The following DPP6 variants were observed in gnomAD, a reference collection of about 807,000 sequenced individuals.
DPP6 encodes the protein dipeptidyl peptidase like 6.
DPP6 carries 69 observed loss-of-function variants against 122.6 expected under a neutral mutation model. The observed-to-expected ratio is 0.56, with a 90% CI of 0.46 to 0.69. The LOEUF is 0.69. Ranked by LOEUF, DPP6 falls within the 30% of genes least tolerant of loss-of-function variation. The pLI, the probability that DPP6 is intolerant of heterozygous loss-of-function variation, is 0.00. For synonymous variants in DPP6, 418 were observed against 433.1 expected, an observed-to-expected ratio of 0.97 and a Z score of 0.43; for missense variants, 928 against 1,116.9, an observed-to-expected ratio of 0.83 and a Z score of 2.41.
intron 1 of DPP6, among the ~76,000 whole-genome samples, chr7:154,408,768 G>GTTT (rs201284135): frequency 7.0e-6 from 1 of 142,088 alleles, no homozygotes; most frequent in African/African-American, 2.6e-5. Flanking sequence ...GTCTTCCCCT[G>GTTT]TTTTTTTTTT....
Position 153,887,508 on chromosome 7 carries a change from GAC to G in DPP6, c.-173_-172del. Reference sequence around the variant, plus strand: ...TTGCTATTGGGATCCGCTGAGTAAAGACACGGGCAGGGGTGCGCGGAGGTGAG... The same window carrying G: ...TTGCTATTGGGATCCGCTGAGTAAAGACGGGCAGGGGTGCGCGGAGGTGAG... On this transcript the variant is annotated 5_prime_UTR_variant, in exon 1 of 26. Transcript: ENST00000404039. 9.7e-6 allele frequency: 6 copies of G among 618,890 alleles called. No homozygotes were observed. The South Asian group carries it at 1.3e-4, about 14-fold the overall frequency. The allele number at this position is 618,890 out of a possible 1,614,324, so 38.3% of individuals were successfully genotyped here. A position where few individuals can be genotyped will look rare whatever the true frequency, so the allele number is the denominator to read the frequency against.
intron 7 of DPP6, among the ~76,000 whole-genome samples, chr7:154,673,875 TTC>T (rs1422968910): frequency 1.3e-5 from 2 of 149,490 alleles, no homozygotes; most frequent in East Asian, 3.9e-4. Context: ...TCCTCCATGT[TTC>T]TTTCTTTTTT....
intron 7 of DPP6, among the ~76,000 whole-genome samples, chr7:154,709,588 T>TTC (rs1452109663): frequency 2.6e-5 from 3 of 116,406 alleles, no homozygotes; most frequent in Admixed American, 7.9e-5. Flanking sequence ...ACATTTTTCT[T>TTC]TTTTTTTTTT....
intron 1 of DPP6, among the ~76,000 whole-genome samples, chr7:154,304,573 T>A (rs1806129715): frequency 6.6e-6 from 1 of 151,544 alleles, no homozygotes; most frequent in African/African-American, 2.4e-5. Flanking sequence ...ATGTTTTTTT[T>A]TTCCTCTCTC....
the DPP6 span, among the ~76,000 whole-genome samples, chr7:153,824,701 A>T: frequency 6.2e-5 from 8 of 129,216 alleles, no homozygotes; most frequent in East Asian, 1.8e-3. Flanking sequence ...ACATAAAAAT[A>T]AAAAAAAAAA....
intron 7 of DPP6, among the ~76,000 whole-genome samples, chr7:154,711,943 C>CAA: frequency 2.1e-5 from 1 of 48,760 alleles, no homozygotes; most frequent in Admixed American, 2.4e-4. Context: ...ACTTAATACA[C>CAA]ACACACACAC....
chr7:154,086,944 C>T (rs1804470203), intron 1 of DPP6, among the ~76,000 whole-genome samples: 1 of 152,144 alleles, frequency 6.6e-6, no homozygotes, highest in Non-Finnish European at 1.5e-5. Context: ...AAATATCTCA[C>T]CCACACATAT....
At chr7:154,761,481 C>A (rs769833828) in intron 8 of DPP6, among the ~76,000 whole-genome samples, 38 of 151,224 alleles carry the variant, frequency 2.5e-4, no homozygotes, top group Non-Finnish European at 5.0e-4. Context: ...TCTTGCATTG[C>A]GATAAAGAAA....
intron 1 of DPP6, among the ~76,000 whole-genome samples, chr7:153,888,058 G>A (rs759243668): frequency 9.2e-5 from 14 of 152,204 alleles, no homozygotes; most frequent in Non-Finnish European, 2.1e-4. Context: ...CGAGCCCCAA[G>A]CAGACCCCCA....
At chr7:154,111,920 G>A (rs769064257) in intron 1 of DPP6, among the ~76,000 whole-genome samples, 11 of 152,040 alleles carry the variant, frequency 7.2e-5, no homozygotes, top group Non-Finnish European at 1.3e-4. Flanking sequence ...ACAGATAAAT[G>A]GTGAAACACA....
chr7:154,721,666 C>T (rs1374772670), intron 7 of DPP6, among the ~76,000 whole-genome samples: 1 of 152,156 alleles, frequency 6.6e-6, no homozygotes, highest in African/African-American at 2.4e-5. Flanking sequence ...TAGACCTGAT[C>T]ATAATTAAAA....
chr7:154,805,859 G>A (rs1798663272), intron 15 of DPP6, among the ~76,000 whole-genome samples: 1 of 152,222 alleles, frequency 6.6e-6, no homozygotes, highest in Admixed American at 6.5e-5. Flanking sequence ...GCATGGGATG[G>A]CTGCAGCCAG....
rs146518457 is a variant in DPP6, at chr7:154,419,032, G to T, written c.244-27182G>T. On this transcript the variant is annotated intron_variant, in intron 1 of 25. Coordinates refer to ENST00000377770, the MANE Select transcript of DPP6 (RefSeq NM_130797.4). ...ATAGGCAATGACTAATATTTACCAAGCATTTAGGGAATTGGATCAGTGACT... is the reference window on the plus strand; with the variant it reads ...ATAGGCAATGACTAATATTTACCAATCATTTAGGGAATTGGATCAGTGACT... Among the ~76,000 whole-genome samples, 10 of 152,306 alleles carry T rather than the reference G, an allele frequency of 6.6e-5. No individual in the cohort carries two copies. The East Asian group carries it at 1.9e-3, about 29-fold the overall frequency.
At chr7:154,081,661 T>C (rs1276817708) in intron 1 of DPP6, among the ~76,000 whole-genome samples, 9 of 148,896 alleles carry the variant, frequency 6.0e-5, no homozygotes, top group Admixed American at 2.0e-4. Flanking sequence ...TCAAGGGACG[T>C]CAAGAGCGTG....
At chr7:153,762,169 T>G in the DPP6 span, among the ~76,000 whole-genome samples, 1 of 152,212 alleles carries the variant, frequency 6.6e-6, no homozygotes, top group Non-Finnish European at 1.5e-5. Context: ...TTACATAACA[T>G]TTTCTATGTT....
intron 1 of DPP6, among the ~76,000 whole-genome samples, chr7:153,959,329 T>G (rs1285168899): frequency 6.6e-6 from 1 of 152,030 alleles, no homozygotes; most frequent in East Asian, 1.9e-4. Context: ...GGGTTGAATC[T>G]CCCTTGCTCA....
chr7:154,369,242 G>A (rs905924896), intron 1 of DPP6, among the ~76,000 whole-genome samples: 6 of 151,678 alleles, frequency 4.0e-5, no homozygotes, highest in African/African-American at 1.5e-4. Flanking sequence ...TTAAAGACAC[G>A]CACCACCACG....
intron 1 of DPP6, among the ~76,000 whole-genome samples, chr7:154,166,637 C>T (rs1410631458): frequency 1.4e-5 from 2 of 142,520 alleles, no homozygotes; most frequent in Non-Finnish European, 3.0e-5. Flanking sequence ...TATGGCCGGG[C>T]TCAGTGGCTC....
intron 1 of DPP6, chr7:154,026,834 T>C (rs541628718): frequency 6.6e-6 from 1 of 152,348 alleles, no homozygotes; most frequent in South Asian, 2.1e-4. Context: ...CTGTAATCTT[T>C]CATATGAGCT....
Sources: gnomAD v4.1 joint callset for allele counts (sites outside exome capture counted in the v4.1 genomes callset) on GRCh38, gnomAD v4.1.1 for gene constraint, MANE v1.5 for transcripts, NCBI Gene and HGNC (gene_info 2026-07-23, HGNC 2026-07-21) for gene names.